The following DTD1 variants were observed in gnomAD, a reference collection of about 807,000 sequenced individuals.
DTD1 encodes D-tyrosyl-tRNA deacylase 1 homolog.
A neutral mutation model predicts 25.6 loss-of-function variants in DTD1; 13 were observed. The observed-to-expected ratio is 0.51, with a 90% CI of 0.33 to 0.81. The LOEUF (loss-of-function observed/expected upper bound fraction) is 0.81. Ranked by LOEUF, DTD1 falls within the 30% of genes least tolerant of loss-of-function variation. DTD1 has a pLI of 0.02. For synonymous variants in DTD1, 110 were observed against 103.6 expected, an observed-to-expected ratio of 1.06 and a Z score of -0.37; for missense variants, 193 against 266.4, an observed-to-expected ratio of 0.72 and a Z score of 1.92.
At chr20:18,608,417 C>G (rs2060671443) in intron 3 of DTD1, among the ~76,000 whole-genome samples, 1 of 151,242 alleles carries the variant, frequency 6.6e-6, no homozygotes, top group Non-Finnish European at 1.5e-5. Flanking sequence ...TGTATTGTTC[C>G]AATTTTAGTA....
At chr20:18,761,656 C>T (rs752927688) in intron 5 of DTD1, among the ~76,000 whole-genome samples, 40 of 152,072 alleles carry the variant, frequency 2.6e-4, no homozygotes, top group Non-Finnish European at 4.7e-4. Context: ...AAGAAAAATA[C>T]GTTCAACCAG....
intron 4 of DTD1, among the ~76,000 whole-genome samples, chr20:18,680,601 A>C (rs2060993245): frequency 6.6e-6 from 1 of 151,956 alleles, no homozygotes; most frequent in African/African-American, 2.4e-5. Flanking sequence ...GGTCTGGGTA[A>C]CTGAAGCATC....
chr20:18,760,214 T>C (rs113052546), intron 5 of DTD1, among the ~76,000 whole-genome samples: 5,565 of 152,296 alleles, frequency 0.037, 220 homozygotes, highest in African/African-American at 0.091. Flanking sequence ...TTTGATCATC[T>C]GAAGCCTTCT....
chr20:18,590,411 T>G (rs2060584736), intron 1 of DTD1, among the ~76,000 whole-genome samples: 2 of 152,206 alleles, frequency 1.3e-5, no homozygotes, highest in Admixed American at 6.5e-5. Flanking sequence ...CACATTTTTT[T>G]TTATAGTAAC....
At chr20:18,741,921 T>C (rs1318637800) in intron 4 of DTD1, among the ~76,000 whole-genome samples, 1 of 116,544 alleles carries the variant, frequency 8.6e-6, no homozygotes, top group African/African-American at 3.2e-5. Flanking sequence ...TTTTTTTTTG[T>C]AGAGACAGGG....
rs2061141099 is a variant in DTD1 at position 18,708,285 on chromosome 20, TTATATATATATAATATATATA to T, written c.478-35813_478-35793del. On this transcript the variant is annotated intron_variant, in intron 4 of 5. Coordinates refer to ENST00000377452, the MANE Select transcript of DTD1 (RefSeq NM_080820.6). ...ATATTTTATATATATATAATATATA[TTATATATATATAATATATATA>T]TTTTATATATATATTATATATATAT... Among the ~76,000 whole-genome samples, 6 of 35,732 alleles carry T rather than the reference TTATATATATATAATATATATA, an allele frequency of 1.7e-4. 1 individual carries two copies. The highest frequency in any genetic ancestry group is 6.1e-4 in the African/African-American group (6 of 9,886). 23.4% of individuals were successfully genotyped at this position (35,732 alleles called of 152,430 possible). A position where few individuals can be genotyped will look rare whatever the true frequency, so the allele number is the denominator to read the frequency against.
chr20:18,638,359 G>C (rs940621921), intron 4 of DTD1, among the ~76,000 whole-genome samples: 1 of 151,982 alleles, frequency 6.6e-6, no homozygotes. Flanking sequence ...CCATTCTAGT[G>C]GAGAAACAAA....
chr20:18,588,622 A>G (rs2060576054), intron 1 of DTD1: 4 of 513,324 alleles, frequency 7.8e-6, no homozygotes, highest in Non-Finnish European at 1.0e-5. Flanking sequence ...CCTTGGGCTG[A>G]GCTTTGACAG....
rs536637531 is a variant in DTD1 at position 18,661,582 on chromosome 20, A to G, written c.477+33349A>G. Among the ~76,000 whole-genome samples, 562 of 152,160 alleles carry G rather than the reference A, an allele frequency of 3.7e-3. 3 individuals carry two copies. The highest frequency in any genetic ancestry group is 0.012 in the African/African-American group (487 of 41,558). On this transcript the variant is annotated intron_variant, in intron 4 of 5. Coordinates refer to ENST00000377452, the MANE Select transcript of DTD1 (RefSeq NM_080820.6). ...GAGACGGGGTTTCACCGTGTTAGCC[A>G]GGATGGTTTTGATCTCCTGACCTCG...
rs572733873 is a variant in DTD1 at position 18,648,969 on chromosome 20, C to G, written c.477+20736C>G. 1.1e-3 allele frequency among the ~76,000 whole-genome samples: 127 copies of G among 116,556 alleles called. 1 individual carries two copies. The highest frequency in any genetic ancestry group is 3.9e-3 in the African/African-American group (115 of 29,342). 76.5% of individuals were successfully genotyped at this position (116,556 alleles called of 152,430 possible). On this transcript the variant is annotated intron_variant, in intron 4 of 5. Coordinates refer to ENST00000377452, the MANE Select transcript of DTD1 (RefSeq NM_080820.6). ...TGAGATCGCGCCACTGCACTCCAGC[C>G]TGGGCAACAGAGAAAGACTCCATCT...
chr20:18,734,298 C>T (rs1037570125), intron 4 of DTD1, among the ~76,000 whole-genome samples: 3 of 152,310 alleles, frequency 2.0e-5, no homozygotes, highest in South Asian at 4.1e-4. Context: ...GTCACAGACT[C>T]GTGGGATTTC....
At chr20:18,759,467 A>G (rs973598443) in intron 5 of DTD1, among the ~76,000 whole-genome samples, 14 of 152,240 alleles carry the variant, frequency 9.2e-5, no homozygotes, top group Middle Eastern at 3.4e-3. Context: ...TTGTCTGTAA[A>G]GTATTTTATT....
intron 4 of DTD1, among the ~76,000 whole-genome samples, chr20:18,685,357 A>G (rs1568668514): frequency 6.6e-6 from 1 of 152,252 alleles, no homozygotes; most frequent in African/African-American, 2.4e-5. Flanking sequence ...GTATAAAACC[A>G]GACCTGTTTT....
At chr20:18,738,219 C>T (rs573272711) in intron 4 of DTD1, among the ~76,000 whole-genome samples, 7 of 152,280 alleles carry the variant, frequency 4.6e-5, no homozygotes, top group Non-Finnish European at 8.8e-5. Context: ...GGGAAGAATG[C>T]GGGGTTTGGC....
In DTD1 at chr20:18,694,832, T is replaced by C. The variant is rs529271905; in HGVS notation, c.478-49268T>C. On this transcript the variant is annotated intron_variant, in intron 4 of 5. Coordinates refer to ENST00000377452, the MANE Select transcript of DTD1 (RefSeq NM_080820.6). ...ACTCTATATAGATCTTATTAATAAT[T>C]TTATTTGGACAAGAGAACTTATGCC... Among the ~76,000 whole-genome samples the C allele has an allele frequency of 5.0e-4, 76 of 152,236 alleles. 1 individual carries two copies. Among genetic ancestry groups the C allele is most frequent in the African/African-American group, 1.7e-3 (72 of 41,522 alleles).
chr20:18,612,752 A>C (rs778898784), intron 3 of DTD1, among the ~76,000 whole-genome samples: 3 of 151,774 alleles, frequency 2.0e-5, no homozygotes, highest in Non-Finnish European at 2.9e-5. Flanking sequence ...TCCTCCTCCC[A>C]GGTTCAAGCG....
intron 4 of DTD1, among the ~76,000 whole-genome samples, chr20:18,712,044 C>T (rs1415588656): frequency 1.3e-5 from 2 of 151,166 alleles, no homozygotes; most frequent in Non-Finnish European, 2.9e-5. Flanking sequence ...TGCACTCCAG[C>T]CTGGGTGACA....
chr20:18,707,992 G>T (rs879590506), intron 4 of DTD1, among the ~76,000 whole-genome samples: 4 of 150,652 alleles, frequency 2.7e-5, no homozygotes, highest in Admixed American at 2.0e-4. Flanking sequence ...AGTGGGCGGG[G>T]CTTTGGGCCC....
chr20:18,592,675 C>T (rs1230675876), intron 1 of DTD1: 27 of 135,322 alleles, frequency 2.0e-4, no homozygotes, highest in Admixed American at 9.1e-4. Context: ...AAAGATGCAT[C>T]TTTTTTTTTT....
Sources: gnomAD v4.1 joint callset for allele counts (sites outside exome capture counted in the v4.1 genomes callset) on GRCh38, gnomAD v4.1.1 for gene constraint, MANE v1.5 for transcripts, NCBI Gene and HGNC (gene_info 2026-07-23, HGNC 2026-07-21) for gene names.